Variants in EPHA7 observed in about 807,000 individuals in gnomAD.
The protein encoded by EPHA7 is EPH receptor A7.
A neutral mutation model predicts 112.6 loss-of-function variants in EPHA7; 25 were observed. The ratio of observed to expected loss-of-function variants is 0.22; its 90% CI spans 0.16 to 0.31. The LOEUF (loss-of-function observed/expected upper bound fraction) is 0.31, where lower values mean the gene tolerates loss of function less well. Among genes scored for constraint, EPHA7 ranks in the 10% least tolerant of loss-of-function variants. The pLI is 1.00. For missense variants in EPHA7, 962 were observed against 1,212.6 expected (o/e 0.79, Z 3.07); for synonymous variants, 437 against 406.5 (o/e 1.07, Z -0.90).
Position 93,363,961 on chromosome 6 carries a change from C to T in EPHA7, c.833-5550G>A, listed in dbSNP as rs1214510259. Among the ~76,000 whole-genome samples, 10 of 152,040 alleles carry T rather than the reference C, an allele frequency of 6.6e-5. No homozygotes were observed. The East Asian group carries it at 9.6e-4, about 15-fold the overall frequency. ...CAATCATAAAAGACTACATATTGTACGATTCAATTTACATAAAATATCCTA... is the reference window on the plus strand; with the variant it reads ...CAATCATAAAAGACTACATATTGTATGATTCAATTTACATAAAATATCCTA... On this transcript the variant is annotated intron_variant, in intron 3 of 16. Coordinates refer to ENST00000369303, the MANE Select transcript of EPHA7 (RefSeq NM_004440.4).
rs964339668 is a variant in EPHA7, at chr6:93,255,902, G to A, written c.2308C>T (p.Leu770Phe). Reference sequence around the variant, plus strand: ...CCAAAATCTGACACTTTACAAACGAGATTGCTGTTGACAAGAATATTGCGA... The same window carrying A: ...CCAAAATCTGACACTTTACAAACGAAATTGCTGTTGACAAGAATATTGCGA... ...AARNILVNSN[L>F]VCKVSDFGLS... is the part of the protein sequence containing the mutation. Residue 770 changes from leucine (L) to phenylalanine (F), a missense_variant, in exon 13 of 17, where the codon CTC becomes TTC. Coordinates refer to ENST00000369303, the MANE Select transcript of EPHA7 (RefSeq NM_004440.4). 6.2e-7 allele frequency: 1 copy of A among 1,614,092 alleles called. No individual in the cohort carries two copies. The highest frequency in any genetic ancestry group is 8.5e-7 in the Non-Finnish European group (1 of 1,180,004).
intron 5 of EPHA7, among the ~76,000 whole-genome samples, chr6:93,354,353 T>TAC (rs1291977449): frequency 6.6e-6 from 1 of 152,064 alleles, no homozygotes; most frequent in African/African-American, 2.4e-5. Flanking sequence ...TTCATGAGTT[T>TAC]TAGCATTTGA....
chr6:93,269,473 T>C lies in EPHA7; in HGVS notation c.1633+4A>G. On this transcript the variant is annotated splice_donor_region_variant and intron_variant, in intron 7 of 16. Transcript: ENST00000369303. The stretch of plus-strand genomic sequence containing the variant: ...GTAGGAATCCAAACCAAAGGCATAA[T>C]TACCTTCAAACATTTTACCTGTAGC... 1.2e-6 allele frequency: 2 copies of C among 1,609,888 alleles called. No homozygotes were observed. Among genetic ancestry groups the C allele is most frequent in the South Asian group, 1.1e-5 (1 of 90,910 alleles).
intron 5 of EPHA7, among the ~76,000 whole-genome samples, chr6:93,273,375 T>A (rs1481519665): frequency 6.6e-6 from 1 of 151,972 alleles, no homozygotes; most frequent in Non-Finnish European, 1.5e-5. Context: ...AGGCTATTAA[T>A]TTAATTTTCA....
intron 5 of EPHA7, among the ~76,000 whole-genome samples, chr6:93,332,883 C>A (rs970656811): frequency 1.3e-5 from 2 of 151,422 alleles, no homozygotes; most frequent in Admixed American, 6.6e-5. Flanking sequence ...AAATTTATAT[C>A]GTTTTAAACT....
chr6:93,251,973 G>A (rs1770236244), intron 14 of EPHA7, among the ~76,000 whole-genome samples: 1 of 151,964 alleles, frequency 6.6e-6, no homozygotes, highest in African/African-American at 2.4e-5. Flanking sequence ...AAATACAAAT[G>A]AGTGCCCATT....
rs76703309 is a variant in EPHA7 at position 93,402,359 on chromosome 6, T to C, written c.832+8142A>G. Among the ~76,000 whole-genome samples the C allele has an allele frequency of 7.7e-3, 1,171 of 152,142 alleles. 18 individuals are homozygous for C. The highest frequency in any genetic ancestry group is 0.025 in the African/African-American group (1,030 of 41,542). On this transcript the variant is annotated intron_variant, in intron 3 of 16. Coordinates refer to ENST00000369303, the MANE Select transcript of EPHA7 (RefSeq NM_004440.4). ...TGTGACATGATTCTAATTTTAAGCA[T>C]CAAAATGATATTTCTCCATGTTTTT...
chr6:93,282,999 G>A, intron 5 of EPHA7, among the ~76,000 whole-genome samples: 1 of 152,226 alleles, frequency 6.6e-6, no homozygotes, highest in East Asian at 1.9e-4. Flanking sequence ...CAGGAGCAGG[G>A]CGCGGGACTG....
chr6:93,411,214 A>C, intron 2 of EPHA7, 44 bp from the exon 3 acceptor site: 1 of 1,526,032 alleles, frequency 6.6e-7, no homozygotes, highest in South Asian at 1.2e-5. Context: ...AGCAAAAAAT[A>C]ACATTTTGCT....
intron 5 of EPHA7, among the ~76,000 whole-genome samples, chr6:93,346,842 T>A (rs1775427736): frequency 1.3e-5 from 2 of 151,814 alleles, no homozygotes; most frequent in African/African-American, 2.4e-5. Flanking sequence ...TTTTAGTAGA[T>A]GAATATTCAG....
intron 5 of EPHA7, among the ~76,000 whole-genome samples, chr6:93,286,170 C>A (rs913095930): frequency 6.6e-6 from 1 of 152,000 alleles, no homozygotes; most frequent in African/African-American, 2.4e-5. Flanking sequence ...ACACACCCTA[C>A]ACACACACCC....
At chr6:93,287,722 T>C (rs1772141427) in intron 5 of EPHA7, among the ~76,000 whole-genome samples, 1 of 151,998 alleles carries the variant, frequency 6.6e-6, no homozygotes. Flanking sequence ...GTATGTGTTG[T>C]TCCCTCTGTG....
rs543739766 is a variant in EPHA7, at chr6:93,331,260, G to A, written c.1324+25457C>T. On this transcript the variant is annotated intron_variant, in intron 5 of 16. Coordinates refer to ENST00000369303, the MANE Select transcript of EPHA7 (RefSeq NM_004440.4). ...GAGATGGCCTAAACAAGTCTCCCTA[G>A]TTTTATATTCCACATATATAGTCAC... 1.4e-3 allele frequency among the ~76,000 whole-genome samples: 211 copies of A among 151,430 alleles called. 4 individuals are homozygous for A. Among genetic ancestry groups the A allele is most frequent in the Middle Eastern group, 0.014 (4 of 294 alleles).
At position 93,315,024 on chromosome 6, in the gene EPHA7, G is replaced by A. The variant is rs1210446564; in HGVS notation, c.1324+41693C>T. Among the ~76,000 whole-genome samples the A allele has an allele frequency of 6.0e-5, 9 of 149,504 alleles. No individual in the cohort carries two copies. In the South Asian group the frequency reaches 8.4e-4, roughly 14 times the overall value. ...ACTACAGGCGCCCGCCACCACGCCC[G>A]GCTAATTTTTTGTATTTTTAGTAGA... On this transcript the variant is annotated intron_variant, in intron 5 of 16. Transcript: ENST00000369303.
Position 93,356,765 on chromosome 6 carries a change from G to T in EPHA7, c.1276C>A (p.Arg426=). 1.2e-6 allele frequency: 2 copies of T among 1,613,948 alleles called. No homozygotes were observed. The highest frequency in any genetic ancestry group is 1.1e-5 in the South Asian group (1 of 91,050). ...EAVNGVSDLS[R]SQRLFAAVSI... Reference sequence around the variant, plus strand: ...ACAGCAGCAAAGAGCCTCTGGGATCGGCTTAAGTCAGAAACTCCATTTACA... The same window carrying T: ...ACAGCAGCAAAGAGCCTCTGGGATCTGCTTAAGTCAGAAACTCCATTTACA... The change falls in exon 5 of 17, where the codon CGA becomes AGA. Residue 426 remains arginine, a synonymous_variant. Transcript: ENST00000369303.
At chr6:93,266,274 A>G (rs939927341) in intron 7 of EPHA7, among the ~76,000 whole-genome samples, 3 of 151,644 alleles carry the variant, frequency 2.0e-5, no homozygotes, top group Non-Finnish European at 4.4e-5. Context: ...AGAAAAAATT[A>G]TGTACATATG....
Position 93,255,839 on chromosome 6 carries a change from A to C in EPHA7, c.2371T>G (p.Tyr791Asp), listed in dbSNP as rs1214294974. 1 of 1,613,836 alleles carries C rather than the reference A, an allele frequency of 6.2e-7. No homozygotes were observed. ...RVIEDDPEAV[Y>D]TTTGGKIPVR... ...TGACTTTTTCTTACAGTAGTTGTAT[A>C]GACAGCTTCTGGATCATCCTCTATA... Residue 791 changes from tyrosine to aspartate, a missense_variant, in exon 13 of 17, where the codon TAT (tyrosine) becomes GAT (aspartate). Coordinates refer to ENST00000369303, the MANE Select transcript of EPHA7 (RefSeq NM_004440.4).
chr6:93,378,071 A>AC (rs1777150872), intron 3 of EPHA7, among the ~76,000 whole-genome samples: 3 of 151,522 alleles, frequency 2.0e-5, no homozygotes, highest in Non-Finnish European at 4.4e-5. Flanking sequence ...TATAACTGAA[A>AC]CCTGCAGAAA....
intron 3 of EPHA7, among the ~76,000 whole-genome samples, chr6:93,371,259 GGA>G (rs1491305884): frequency 8.1e-6 from 1 of 123,286 alleles, no homozygotes. Context: ...AAATATTTGG[GGA>G]AAAAAATAAC....
Sources: gnomAD v4.1 joint callset for allele counts (sites outside exome capture counted in the v4.1 genomes callset) on GRCh38, gnomAD v4.1.1 for gene constraint, MANE v1.5 for transcripts, NCBI Gene and HGNC (gene_info 2026-07-23, HGNC 2026-07-21) for gene names.